CTSW: variants seen among roughly 807,000 people sequenced by gnomAD.
The protein encoded by CTSW is cathepsin W, also known as lymphopain.
A neutral mutation model predicts 43.8 loss-of-function variants in CTSW; 42 were observed. The ratio of observed to expected loss-of-function variants is 0.96; its 90% confidence interval spans 0.75 to 1.24. CTSW has a LOEUF of 1.24. Ranked by LOEUF, CTSW falls within the 50% of genes most tolerant of loss-of-function variation. The pLI, the probability that CTSW is intolerant of heterozygous loss-of-function variation, is 0.00. For missense variants in CTSW, 475 were observed against 479.9 expected, an observed-to-expected ratio of 0.99 and a Z score of 0.09; for synonymous variants, 191 against 184.8, an observed-to-expected ratio of 1.03 and a Z score of -0.27.
At position 65,882,191 on chromosome 11, in the gene CTSW, G is replaced by A. The variant is rs370472474; in HGVS notation, c.303G>A (p.Gln101=). 1.7e-5 allele frequency: 28 copies of A among 1,614,056 alleles called. No homozygotes were observed. The African/African-American group carries it at 2.3e-4, about 13-fold the overall frequency. Residue 101 remains glutamine (Q), a synonymous_variant, in exon 4 of 10, where the codon CAG becomes CAA. Transcript: ENST00000307886. ...FSDLTEEEFG[Q]LYGYRRAAGG... ...GTTCCCCAGAGGAGGAGTTTGGCCA[G>A]CTCTATGGCTATCGGAGGGCAGCTG... is the stretch of plus-strand genomic sequence containing the variant.
At position 65,882,877 on chromosome 11, in the gene CTSW, T is replaced by A. The variant is rs1222025252; in HGVS notation, c.718T>A (p.Phe240Ile). 2 of 1,614,014 alleles carry A rather than the reference T, an allele frequency of 1.2e-6. No homozygotes were observed. The highest frequency in any genetic ancestry group is 3.3e-5 in the Admixed American group (2 of 60,012). ...CCAGAAGGTGGCCTGGATCCAGGACTTCATCATGCTGCAGAACAACGAGCA... is the reference window on the plus strand; with the variant it reads ...CCAGAAGGTGGCCTGGATCCAGGACATCATCATGCTGCAGAACAACGAGCA... Reference protein sequence around the residue: ...KYQKVAWIQDFIMLQNNEHRI... With the variant: ...KYQKVAWIQDIIMLQNNEHRI... The change falls in exon 7 of 10, where the codon TTC becomes ATC. Residue 240 changes from phenylalanine to isoleucine, a missense_variant. By Grantham distance (21) the Phe-to-Ile change is conservative. Coordinates refer to ENST00000307886, the MANE Select transcript of CTSW (RefSeq NM_001335.4).
chr11:65,883,405 G>A lies in CTSW; in HGVS notation c.1001G>A (p.Gly334Glu), dbSNP rs370386652. ...TACTGGATCCTGAAGAACTCCTGGG[G>A]GGCCCAATGGGGAGAGAAGGTGAGT... is the stretch of plus-strand genomic sequence containing the variant. ...TPYWILKNSW[G>E]AQWGEKGYFR... The change falls in exon 9 of 10, where the codon GGG (glycine) becomes GAG (glutamate). Residue 334 changes from glycine to glutamate, a missense_variant. Coordinates refer to ENST00000307886, the MANE Select transcript of CTSW (RefSeq NM_001335.4). The A allele has an allele frequency of 3.1e-6, 5 of 1,613,964 alleles. No individual in the cohort carries two copies. The highest frequency in any genetic ancestry group is 4.2e-6 in the Non-Finnish European group (5 of 1,180,004).
chr11:65,880,288 T>TA lies in CTSW; in HGVS notation c.172+3dup. On this transcript the variant is annotated splice_region_variant and intron_variant, in intron 2 of 9. Coordinates refer to ENST00000307886, the MANE Select transcript of CTSW (RefSeq NM_001335.4). Reference sequence around the variant, plus strand: ...ACCGGAGTTACCTGAGCCCAGAAGGTATCACAGGGCACATACATCTCCAGT... The same window carrying TA: ...ACCGGAGTTACCTGAGCCCAGAAGGTAATCACAGGGCACATACATCTCCAGT... 1.2e-6 allele frequency: 2 copies of TA among 1,611,982 alleles called. No individual in the cohort carries two copies. Among genetic ancestry groups the TA allele is most frequent in the South Asian group, 2.2e-5 (2 of 90,976 alleles).
rs757628596 is a variant in CTSW, at chr11:65,882,243, A to G, written c.355A>G (p.Ile119Val). Reference sequence around the variant, plus strand: ...AGGGGTCCCCAGCATGGGCAGAGAAATAAGGTCTGAAGAGCCAGAGGAGTC... The same window carrying G: ...AGGGGTCCCCAGCATGGGCAGAGAAGTAAGGTCTGAAGAGCCAGAGGAGTC... ...AGGVPSMGRE[I>V]RSEEPEESVP... Residue 119 changes from isoleucine (I) to valine (V), a missense_variant, in exon 4 of 10, where the codon ATA becomes GTA. Physicochemically the swap from Ile to Val is conservative, Grantham distance 29. Coordinates refer to ENST00000307886, the MANE Select transcript of CTSW (RefSeq NM_001335.4). 14 of 1,614,196 alleles carry G rather than the reference A, an allele frequency of 8.7e-6. No individual in the cohort carries two copies. Among genetic ancestry groups the G allele is most frequent in the Non-Finnish European group, 1.2e-5 (14 of 1,180,040 alleles).
chr11:65,881,034 T>C (rs1050342589), intron 2 of CTSW, among the ~76,000 whole-genome samples: 3 of 152,280 alleles, frequency 2.0e-5, no homozygotes, highest in South Asian at 2.1e-4. Context: ...CCAGACTGCC[T>C]GTGCCTTGTC....
In CTSW at chr11:65,883,349, G is replaced by C. The variant is rs1177307206; in HGVS notation, c.945G>C (p.Gln315His). 3 of 1,613,984 alleles carry C rather than the reference G, an allele frequency of 1.9e-6. No individual in the cohort carries two copies. Among genetic ancestry groups the C allele is most frequent in the Admixed American group, 3.3e-5 (2 of 60,004 alleles). ...TATGGGCAGAGACAGTCTCATCGCA[G>C]TCTCAGCCTCAGCCTCCACACCCCA... ...EGIWAETVSS[Q>H]SQPQPPHPTP... The change falls in exon 9 of 10, where the codon CAG becomes CAC. Residue 315 changes from glutamine to histidine, a missense_variant. By Grantham distance (24) the Gln-to-His change is conservative (BLOSUM62 0). Coordinates refer to ENST00000307886, the MANE Select transcript of CTSW (RefSeq NM_001335.4).
Position 65,882,236 on chromosome 11 carries a change from C to A in CTSW, c.348C>A (p.Gly116=). ...CAGCTGGAGGGGTCCCCAGCATGGG[C>A]AGAGAAATAAGGTCTGAAGAGCCAG... The part of the protein sequence containing the change: ...RRAAGGVPSM[G]REIRSEEPEE... The change falls in exon 4 of 10, where the codon GGC becomes GGA. Residue 116 remains glycine, a synonymous_variant. Coordinates refer to ENST00000307886, the MANE Select transcript of CTSW (RefSeq NM_001335.4). 6.2e-7 allele frequency: 1 copy of A among 1,614,156 alleles called. No homozygotes were observed. The highest frequency in any genetic ancestry group is 1.1e-5 in the South Asian group (1 of 91,092).
At position 65,879,901 on chromosome 11, in the gene CTSW, C is replaced by T; in HGVS notation, c.47C>T (p.Ala16Val). 6.2e-7 allele frequency: 1 copy of T among 1,613,818 alleles called. No individual in the cohort carries two copies. The highest frequency in any genetic ancestry group is 8.5e-7 in the Non-Finnish European group (1 of 1,179,920). Residue 16 changes from alanine (A) to valine (V), a missense_variant, in exon 1 of 10, where the codon GCA becomes GTA. Transcript: ENST00000307886. ...HPSCLLALLV[A>V]GLAQGIRGPL... ...TCCTGCCTCCTGGCCCTGTTGGTGGCAGGCCTAGCCCAAGGCATCAGAGGC... is the reference window on the plus strand; with the variant it reads ...TCCTGCCTCCTGGCCCTGTTGGTGGTAGGCCTAGCCCAAGGCATCAGAGGC...
intron 1 of CTSW, 73 bp downstream of exon 1, chr11:65,880,014 C>A: frequency 7.2e-7 from 1 of 1,390,824 alleles, no homozygotes; most frequent in Non-Finnish European, 1.0e-6. Flanking sequence ...GCTGGCCTGT[C>A]ATTCTCATTT....
Position 65,883,345 on chromosome 11 carries a change from C to A in CTSW, c.941C>A (p.Ser314Ter). The A allele has an allele frequency of 6.2e-7, 1 of 1,614,108 alleles. No homozygotes were observed. Among genetic ancestry groups the A allele is most frequent in the South Asian group, 1.1e-5 (1 of 91,080 alleles). ...EEGIWAETVS[S>*]QSQPQPPHPT... Reference sequence around the variant, plus strand: ...GGGATATGGGCAGAGACAGTCTCATCGCAGTCTCAGCCTCAGCCTCCACAC... The same window carrying A: ...GGGATATGGGCAGAGACAGTCTCATAGCAGTCTCAGCCTCAGCCTCCACAC... Residue 314 changes from serine (S) to a stop codon, truncating the protein, a stop_gained, in exon 9 of 10, where the codon TCG becomes TAG. Transcript: ENST00000307886. LOFTEE classifies it high-confidence loss of function.
At chr11:65,880,106 C>A (rs1043976879) in intron 1 of CTSW, 96 bp from the exon 2 acceptor site, 1 of 1,288,652 alleles carries the variant, frequency 7.8e-7, no homozygotes, top group Non-Finnish European at 1.1e-6. Context: ...AACTGGCTGA[C>A]CCCTAGCCCA....
At position 65,883,221 on chromosome 11, in the gene CTSW, C is replaced by T. The variant is rs747879288; in HGVS notation, c.817C>T (p.Arg273Trp). ...TINMKPLQLY[R>W]KGVIKATPTT... ...CGGCCCCCACCCCCTGCAGCTATAC[C>T]GGAAAGGTGTGATCAAGGCCACACC... is the stretch of plus-strand genomic sequence containing the variant. Residue 273 changes from arginine to tryptophan, a missense_variant, in exon 9 of 10, where the codon CGG becomes TGG. By Grantham distance (101) the Arg-to-Trp change is moderately radical (BLOSUM62 -3). Coordinates refer to ENST00000307886, the MANE Select transcript of CTSW (RefSeq NM_001335.4). 1.3e-4 allele frequency: 210 copies of T among 1,613,576 alleles called. No individual in the cohort carries two copies. Among genetic ancestry groups the T allele is most frequent in the Non-Finnish European group, 2.5e-5 (30 of 1,179,858 alleles).
Position 65,879,863 on chromosome 11 carries a change from G to C in CTSW, c.9G>C (p.Leu3=). The change falls in exon 1 of 10, where the codon CTG becomes CTC. Residue 3 remains leucine (L), a synonymous_variant. Transcript: ENST00000307886. ...CTCCAGACTGCACCGGCATGGCACT[G>C]ACTGCCCACCCCTCCTGCCTCCTGG... MA[L]TAHPSCLLAL... The C allele has an allele frequency of 6.2e-7, 1 of 1,613,790 alleles. No individual in the cohort carries two copies. The highest frequency in any genetic ancestry group is 8.5e-7 in the Non-Finnish European group (1 of 1,179,916).
Position 65,882,840 on chromosome 11 carries a change from C to A in CTSW, c.681C>A (p.His227Gln). 6.2e-7 allele frequency: 1 copy of A among 1,614,168 alleles called. No individual in the cohort carries two copies. Among genetic ancestry groups the A allele is most frequent in the Middle Eastern group, 1.6e-4 (1 of 6,062 alleles). ...FQGKVRAHRC[H>Q]PKKYQKVAWI... ...GCAAAGTCAGAGCCCACAGGTGCCA[C>A]CCCAAGAAGTACCAGAAGGTGGCCT... Residue 227 changes from histidine to glutamine, a missense_variant, in exon 7 of 10, where the codon CAC becomes CAA. By Grantham distance (24) the His-to-Gln change is conservative. Coordinates refer to ENST00000307886, the MANE Select transcript of CTSW (RefSeq NM_001335.4).
chr11:65,880,495 A>G, intron 2 of CTSW: 1 of 424,258 alleles, frequency 2.4e-6, no homozygotes, highest in East Asian at 5.2e-5. Flanking sequence ...TAACCTTTAC[A>G]TTTTTAGTAG....
intron 1 of CTSW, 69 bp from the exon 2 acceptor site, chr11:65,880,133 G>A: frequency 7.0e-7 from 1 of 1,433,342 alleles, no homozygotes; most frequent in Non-Finnish European, 9.8e-7. Context: ...GCACGGCTGG[G>A]AACTAAGGTG....
Position 65,883,292 on chromosome 11 carries a change from G to A in CTSW, c.888G>A (p.Val296=), listed in dbSNP as rs1489547760. 2 of 1,613,968 alleles carry A rather than the reference G, an allele frequency of 1.2e-6. No homozygotes were observed. The highest frequency in any genetic ancestry group is 1.7e-6 in the Non-Finnish European group (2 of 1,180,014). The change falls in exon 9 of 10, where the codon GTG becomes GTA. Residue 296 remains valine, a synonymous_variant. Coordinates refer to ENST00000307886, the MANE Select transcript of CTSW (RefSeq NM_001335.4). ...PQLVDHSVLL[V]GFGSVKSEEG... ...TTGTGGACCACTCTGTCCTGCTGGT[G>A]GGTTTTGGCAGCGTCAAGTCAGAGG...
Position 65,880,980 on chromosome 11 carries a change from T to C in CTSW, c.173-427T>C, listed in dbSNP as rs1860099514. Among the ~76,000 whole-genome samples, 4 of 152,296 alleles carry C rather than the reference T, an allele frequency of 2.6e-5. No individual in the cohort carries two copies. In the South Asian group the frequency reaches 8.3e-4, roughly 32 times the overall value. The stretch of plus-strand genomic sequence containing the variant: ...CTAACCCCTGCCCCTGCCCTCTCGC[T>C]GTGCTGATCTCTCTAGGGGGCTGAT... On this transcript the variant is annotated intron_variant, in intron 2 of 9. Coordinates refer to ENST00000307886, the MANE Select transcript of CTSW (RefSeq NM_001335.4).
chr11:65,880,415 G>A (rs1279825388), intron 2 of CTSW, 129 bp downstream of exon 2: 34 of 641,292 alleles, frequency 5.3e-5, no homozygotes, highest in South Asian at 2.2e-4. Flanking sequence ...TCCACCTCCC[G>A]GGTTCAAGCG....
Sources: gnomAD v4.1 joint callset for allele counts (sites outside exome capture counted in the v4.1 genomes callset) on GRCh38, gnomAD v4.1.1 for gene constraint, MANE v1.5 for transcripts, NCBI Gene and HGNC (gene_info 2026-07-23, HGNC 2026-07-21) for gene names.